Variants in TLN2 observed in about 807,000 individuals in gnomAD.
TLN2 encodes talin-2.
A neutral mutation model predicts 294.7 loss-of-function variants in TLN2; 118 were observed. The observed-to-expected ratio is 0.40, with a 90% confidence interval of 0.34 to 0.47. The LOEUF is 0.47. Ranked by LOEUF, TLN2 falls within the 20% of genes least tolerant of loss-of-function variation. The pLI is 0.84. For missense variants in TLN2, 3,083 were observed against 3,282.2 expected (o/e 0.94, Z 1.48); for synonymous variants, 1,431 against 1,304.5 (o/e 1.10, Z -2.09).
chr15:62,785,789 C>T (rs2064605483), intron 45 of TLN2, among the ~76,000 whole-genome samples: 1 of 152,186 alleles, frequency 6.6e-6, no homozygotes, highest in Admixed American at 6.5e-5. Context: ...CTGTATAGCC[C>T]TTTCCACATG....
At chr15:62,410,671 G>A (rs914893545) in intron 1 of TLN2, among the ~76,000 whole-genome samples, 4 of 152,196 alleles carry the variant, frequency 2.6e-5, no homozygotes, top group Admixed American at 6.5e-5. Context: ...AGGGATGGGC[G>A]CAGCCTCTTA....
At chr15:62,558,809 C>T (rs988032127) in intron 1 of TLN2, among the ~76,000 whole-genome samples, 2 of 152,006 alleles carry the variant, frequency 1.3e-5, no homozygotes, top group African/African-American at 4.8e-5. Context: ...ACGTAGTTCC[C>T]TCTGGTACCA....
Position 62,676,593 on chromosome 15 carries a change from C to G in TLN2, c.957+1272C>G, listed in dbSNP as rs143598030. On this transcript the variant is annotated intron_variant, in intron 11 of 58. Coordinates refer to ENST00000636159, the MANE Select transcript of TLN2 (RefSeq NM_015059.3). ...ATCTCATTCAAAGCTATCAACAACCCAAGGGTAAAACTACTACTACTATCT... is the reference window on the plus strand; with the variant it reads ...ATCTCATTCAAAGCTATCAACAACCGAAGGGTAAAACTACTACTACTATCT... Among the ~76,000 whole-genome samples the G allele has an allele frequency of 4.1e-4, 62 of 152,238 alleles. No individual in the cohort carries two copies. The East Asian group carries it at 0.012, about 28-fold the overall frequency.
intron 1 of TLN2, among the ~76,000 whole-genome samples, chr15:62,499,053 T>C (rs1412707920): frequency 1.3e-5 from 2 of 152,238 alleles, no homozygotes; most frequent in African/African-American, 4.8e-5. Context: ...GTGTGGACTT[T>C]ATGGAAGTCT....
intron 14 of TLN2, among the ~76,000 whole-genome samples, chr15:62,695,166 C>G (rs76368431): frequency 1.3e-5 from 2 of 152,026 alleles, no homozygotes; most frequent in South Asian, 2.1e-4. Context: ...ATAAATGGCT[C>G]TTTTTGGGAA....
intron 9 of TLN2, among the ~76,000 whole-genome samples, chr15:62,667,088 C>A (rs1041177247): frequency 2.0e-5 from 3 of 152,172 alleles, no homozygotes; most frequent in Non-Finnish European, 4.4e-5. Context: ...GCCTCAGCCT[C>A]CCGAGTAGCT....
intron 12 of TLN2, among the ~76,000 whole-genome samples, chr15:62,692,557 C>G (rs2058011359): frequency 6.6e-6 from 1 of 152,140 alleles, no homozygotes; most frequent in Non-Finnish European, 1.5e-5. Context: ...CTCTACAACT[C>G]TTAGTCTTGG....
intron 46 of TLN2, among the ~76,000 whole-genome samples, chr15:62,795,355 G>A: frequency 6.6e-6 from 1 of 152,172 alleles, no homozygotes; most frequent in East Asian, 1.9e-4. Flanking sequence ...ACGGAGCTCA[G>A]CCAGGGGAGA....
intron 2 of TLN2, among the ~76,000 whole-genome samples, chr15:62,604,048 A>G (rs986622803): frequency 2.0e-5 from 3 of 152,210 alleles, no homozygotes; most frequent in Admixed American, 2.0e-4. Flanking sequence ...TGGACACTGA[A>G]ATCTGAATGT....
intron 1 of TLN2, among the ~76,000 whole-genome samples, chr15:62,504,068 G>T (rs994724674): frequency 6.6e-6 from 1 of 152,224 alleles, no homozygotes; most frequent in African/African-American, 2.4e-5. Context: ...GTGTAAAATT[G>T]TAAATTATTT....
intron 1 of TLN2, among the ~76,000 whole-genome samples, chr15:62,581,458 G>A (rs191821022): frequency 6.6e-6 from 1 of 152,226 alleles, no homozygotes; most frequent in Admixed American, 6.5e-5. Flanking sequence ...CTTACCTATG[G>A]TGTTCATCAG....
At chr15:62,644,915 G>A (rs529688939) in intron 3 of TLN2, 36 of 266,720 alleles carry the variant, frequency 1.3e-4, no homozygotes, top group African/African-American at 7.1e-4. Flanking sequence ...ACGCAGCAAC[G>A]CTTACAACAC....
intron 13 of TLN2, 96 bp from the exon 14 acceptor site, chr15:62,694,220 G>T (rs978490838): frequency 3.8e-6 from 4 of 1,051,624 alleles, no homozygotes; most frequent in Non-Finnish European, 5.8e-6. Context: ...CAAGTGATCC[G>T]CCCGTCTCAG....
At chr15:62,789,328 C>T (rs1236130317) in intron 45 of TLN2, among the ~76,000 whole-genome samples, 1 of 152,186 alleles carries the variant, frequency 6.6e-6, no homozygotes, top group African/African-American at 2.4e-5. Flanking sequence ...GCTGTTGCCT[C>T]ACTTACTCTC....
At chr15:62,771,257 C>A in intron 42 of TLN2, 123 bp downstream of exon 42, 1 of 1,113,174 alleles carries the variant, frequency 9.0e-7, no homozygotes, top group Non-Finnish European at 1.2e-6. Flanking sequence ...TGAGCTCCCA[C>A]TCTGAGATCA....
chr15:62,657,968 G>C, intron 9 of TLN2, 70 bp downstream of exon 9: 2 of 1,448,354 alleles, frequency 1.4e-6, no homozygotes, highest in Non-Finnish European at 1.9e-6. Context: ...TTTTATTTTT[G>C]AGCTAGGTGT....
chr15:62,753,011 CT>C (rs1289855035), intron 35 of TLN2, among the ~76,000 whole-genome samples: 3 of 152,186 alleles, frequency 2.0e-5, no homozygotes, highest in Non-Finnish European at 4.4e-5. Flanking sequence ...AGAAACATCA[CT>C]AGTTTAGGGG....
At chr15:62,533,927 G>C (rs1219529534) in intron 1 of TLN2, among the ~76,000 whole-genome samples, 1 of 152,198 alleles carries the variant, frequency 6.6e-6, no homozygotes, top group Non-Finnish European at 1.5e-5. Context: ...CTTATGGTGT[G>C]AGCCACAGAT....
chr15:62,721,256 CA>C (rs1314917245), intron 25 of TLN2, among the ~76,000 whole-genome samples: 1 of 152,090 alleles, frequency 6.6e-6, no homozygotes, highest in Non-Finnish European at 1.5e-5. Context: ...GGAGGTTGAA[CA>C]AATCTAAATT....
Sources: gnomAD v4.1 joint callset for allele counts (sites outside exome capture counted in the v4.1 genomes callset) on GRCh38, gnomAD v4.1.1 for gene constraint, MANE v1.5 for transcripts, NCBI Gene and HGNC (gene_info 2026-07-23, HGNC 2026-07-21) for gene names.